Variants in SORCS3 observed in about 807,000 individuals in gnomAD.
SORCS3 encodes sortilin related VPS10 domain containing receptor 3.
In SORCS3, 57 loss-of-function variants were observed where a neutral mutation model predicts 146.3. That is an observed-to-expected ratio of 0.39 (90% CI 0.31 to 0.49). SORCS3 has a LOEUF of 0.49. SORCS3 is among the 20% of genes least tolerant of loss of function. The pLI is 0.92. For synonymous variants in SORCS3, 653 were observed against 618.5 expected (o/e 1.06, Z -0.83); for missense variants, 1,341 against 1,575.5 (o/e 0.85, Z 2.52).
chr10:105,040,090 A>C (rs549878295), intron 4 of SORCS3, among the ~76,000 whole-genome samples: 10 of 152,268 alleles, frequency 6.6e-5, no homozygotes, highest in Admixed American at 2.0e-4. Flanking sequence ...AACATGTCTT[A>C]AGTCTAAGCA....
At chr10:104,792,613 C>T (rs776521519) in intron 1 of SORCS3, among the ~76,000 whole-genome samples, 18 of 152,188 alleles carry the variant, frequency 1.2e-4, no homozygotes, top group South Asian at 2.1e-4. Flanking sequence ...TTTCCTGCTT[C>T]GGGAAGTAAA....
chr10:104,695,927 A>G (rs142520064), intron 1 of SORCS3, among the ~76,000 whole-genome samples: 2,052 of 146,156 alleles, frequency 0.014, 43 homozygotes, highest in African/African-American at 0.044. Flanking sequence ...GGATAAAGAA[A>G]TTGTGATGTA....
intron 4 of SORCS3, among the ~76,000 whole-genome samples, chr10:105,024,050 A>G (rs1017751843): frequency 2.0e-5 from 3 of 152,108 alleles, no homozygotes; most frequent in Non-Finnish European, 4.4e-5. Context: ...CAGCCGAATT[A>G]TGTTTATCTT....
chr10:105,108,126 TA>T (rs2055835639), intron 7 of SORCS3, among the ~76,000 whole-genome samples: 1 of 152,178 alleles, frequency 6.6e-6, no homozygotes, highest in Non-Finnish European at 1.5e-5. Context: ...ATTGAAGCTA[TA>T]AAGGTATTGC....
At chr10:104,806,049 A>C (rs1020160902) in intron 1 of SORCS3, among the ~76,000 whole-genome samples, 1 of 152,222 alleles carries the variant, frequency 6.6e-6, no homozygotes, top group African/African-American at 2.4e-5. Context: ...TTGGGGGTTA[A>C]TATTTTTGGC....
At chr10:104,700,812 G>C (rs777551828) in intron 1 of SORCS3, among the ~76,000 whole-genome samples, 18 of 152,294 alleles carry the variant, frequency 1.2e-4, no homozygotes, top group South Asian at 4.1e-4. Flanking sequence ...CCTTAGCCTG[G>C]AGTACAACAA....
At chr10:105,228,777 T>G (rs932235064) in intron 20 of SORCS3, among the ~76,000 whole-genome samples, 2 of 152,198 alleles carry the variant, frequency 1.3e-5, no homozygotes, top group Non-Finnish European at 2.9e-5. Flanking sequence ...TTTTTTGAAT[T>G]CTGTATTTGT....
intron 11 of SORCS3, among the ~76,000 whole-genome samples, chr10:105,162,220 AG>A (rs1426454623): frequency 9.2e-5 from 14 of 152,306 alleles, no homozygotes; most frequent in African/African-American, 3.4e-4. Context: ...TGAGGGTGAA[AG>A]CAAGTTGTTT....
intron 1 of SORCS3, among the ~76,000 whole-genome samples, chr10:104,761,040 A>G (rs973916390): frequency 2.0e-5 from 3 of 152,170 alleles, no homozygotes; most frequent in Admixed American, 6.5e-5. Context: ...ATTTATCTGG[A>G]AAATGTACTT....
chr10:104,678,348 C>T (rs182234197), intron 1 of SORCS3, among the ~76,000 whole-genome samples: 5 of 152,184 alleles, frequency 3.3e-5, no homozygotes, highest in East Asian at 1.9e-4. Context: ...TGTGTAAGCA[C>T]GTACACATCC....
At chr10:105,089,664 T>G (rs987119773) in intron 5 of SORCS3, 111 bp from the exon 6 acceptor site, 8 of 801,712 alleles carry the variant, frequency 1.0e-5, no homozygotes, top group South Asian at 1.5e-5. Flanking sequence ...TGCAGGATGG[T>G]CCTCTTTGAG....
intron 4 of SORCS3, among the ~76,000 whole-genome samples, chr10:105,026,758 A>G (rs2055234607): frequency 6.6e-6 from 1 of 152,220 alleles, no homozygotes; most frequent in Non-Finnish European, 1.5e-5. Context: ...GTTCTCACTT[A>G]TAAATGGGAG....
At chr10:105,074,396 T>C (rs1349658356) in intron 5 of SORCS3, among the ~76,000 whole-genome samples, 1 of 152,188 alleles carries the variant, frequency 6.6e-6, no homozygotes, top group Admixed American at 6.5e-5. Context: ...TATAATTGAG[T>C]GCCAGTTTCG....
chr10:105,061,549 C>T lies in SORCS3; in HGVS notation c.1028+18421C>T, dbSNP rs1429990264. ...TGACCTCGTGATCCACCTGCCTCGG[C>T]CCCCCAAAGTGCTTGGATTAAAGGC... On this transcript the variant is annotated intron_variant, in intron 5 of 26. Transcript: ENST00000369701. Among the ~76,000 whole-genome samples the T allele has an allele frequency of 2.0e-5, 3 of 151,616 alleles. No homozygotes were observed. In the East Asian group the frequency reaches 5.9e-4, roughly 30 times the overall value.
At chr10:104,954,563 A>G (rs1339609069) in intron 3 of SORCS3, among the ~76,000 whole-genome samples, 1 of 152,336 alleles carries the variant, frequency 6.6e-6, no homozygotes, top group African/African-American at 2.4e-5. Flanking sequence ...TTGTTAAGAA[A>G]TAGGAAGAAG....
At chr10:105,023,589 C>T (rs929590359) in intron 4 of SORCS3, among the ~76,000 whole-genome samples, 2 of 152,064 alleles carry the variant, frequency 1.3e-5, no homozygotes, top group Non-Finnish European at 2.9e-5. Flanking sequence ...CTGTTTGAGT[C>T]GCAGGCTGTG....
chr10:104,668,178 T>C (rs1183405015), intron 1 of SORCS3, among the ~76,000 whole-genome samples: 1 of 152,202 alleles, frequency 6.6e-6, no homozygotes, highest in Non-Finnish European at 1.5e-5. Context: ...CGCATGTGTG[T>C]GCACGCGCAA....
chr10:104,766,383 C>T (rs1211585899), intron 1 of SORCS3, among the ~76,000 whole-genome samples: 4 of 152,220 alleles, frequency 2.6e-5, no homozygotes, highest in African/African-American at 9.6e-5. Context: ...TGAGAGGAAC[C>T]ATTGCATGGA....
intron 1 of SORCS3, among the ~76,000 whole-genome samples, chr10:104,836,927 G>A (rs1197389832): frequency 2.0e-5 from 3 of 152,126 alleles, no homozygotes; most frequent in Non-Finnish European, 4.4e-5. Context: ...CTCCATTTCA[G>A]TGTATAGAAA....
Sources: gnomAD v4.1 joint callset for allele counts (sites outside exome capture counted in the v4.1 genomes callset) on GRCh38, gnomAD v4.1.1 for gene constraint, MANE v1.5 for transcripts, NCBI Gene and HGNC (gene_info 2026-07-23, HGNC 2026-07-21) for gene names.